ACACA: variants seen among roughly 807,000 people sequenced by gnomAD.
ACACA encodes acetyl-CoA carboxylase 1.
ACACA carries 103 observed loss-of-function variants against 296.1 expected under a neutral mutation model. The ratio of observed to expected loss-of-function variants is 0.35; its 90% CI spans 0.30 to 0.41. The LOEUF is 0.41. Among genes scored for constraint, ACACA ranks in the 10% least tolerant of loss-of-function variants. The probability of loss-of-function intolerance (pLI) is 1.00; values close to 1 mark genes in which losing one functional copy is unlikely to be tolerated. For missense variants in ACACA, 1,554 were observed against 2,989.7 expected, an observed-to-expected ratio of 0.52 and a Z score of 11.20; for synonymous variants, 953 against 1,038.6, an observed-to-expected ratio of 0.92 and a Z score of 1.58.
chr17:37,135,317 T>C (rs1035945722), intron 45 of ACACA, among the ~76,000 whole-genome samples: 1 of 152,208 alleles, frequency 6.6e-6, no homozygotes, highest in South Asian at 2.1e-4. Flanking sequence ...AGCGTTATAA[T>C]TTTTTCCCCA....
intron 41 of ACACA, among the ~76,000 whole-genome samples, chr17:37,173,989 TATATATATATATATATATATATATA>T (rs2076984791): frequency 1.2e-4 from 1 of 8,314 alleles, no homozygotes; most frequent in African/African-American, 7.8e-4. Flanking sequence ...AATTTATATA[TATATATATATATATATATATATATA>T]TATATATTTT....
chr17:37,092,949 T>C (rs989454856), intron 54 of ACACA, among the ~76,000 whole-genome samples: 3 of 152,088 alleles, frequency 2.0e-5, no homozygotes, highest in African/African-American at 7.2e-5. Context: ...GGCTTTAGAG[T>C]ACAATAGCCA....
rs2079549559 is a variant in ACACA, at chr17:37,226,467, A to AAAAAAGAACATAGATAGCCATATT, written c.3247-16_3247-15insAATATGGCTATCTATGTTCTTTTT. On this transcript the variant is annotated splice_polypyrimidine_tract_variant and intron_variant, in intron 25 of 55. Transcript: ENST00000616317. ...CACAACTGATCCTAATTGTTAATGT[A>AAAAAAGAACATAGATAGCCATATT]AAAAAGAACATAGATAGTCATATTA... 2 of 1,585,072 alleles carry AAAAAAGAACATAGATAGCCATATT rather than the reference A, an allele frequency of 1.3e-6. No individual in the cohort carries two copies. Among genetic ancestry groups the AAAAAAGAACATAGATAGCCATATT allele is most frequent in the Non-Finnish European group, 1.7e-6 (2 of 1,153,650 alleles).
chr17:37,087,387 G>C lies in ACACA; in HGVS notation c.7081C>G (p.Gln2361Glu), dbSNP rs758710765. ...VAMDSIIHMT[Q>E]HISPTQRAEV... ...GCTCGCTGAGTGGGTGATATGTGCT[G>C]CGTCATATGGATGATGGAATCCATG... Residue 2361 changes from glutamine (Q) to glutamate (E), a missense_variant, in exon 56 of 56, where the codon CAG becomes GAG. Physicochemically the swap from Gln to Glu is conservative, Grantham distance 29. Transcript: ENST00000616317. 5 of 1,613,948 alleles carry C rather than the reference G, an allele frequency of 3.1e-6. No individual in the cohort carries two copies. The African/African-American group carries it at 5.3e-5, about 17-fold the overall frequency.
At chr17:37,154,261 C>G (rs1040631425) in intron 43 of ACACA, among the ~76,000 whole-genome samples, 1 of 152,070 alleles carries the variant, frequency 6.6e-6, no homozygotes, top group South Asian at 2.1e-4. Context: ...GACCTATGAT[C>G]ACACCACTGC....
At chr17:37,136,647 A>G (rs2075345081) in intron 45 of ACACA, among the ~76,000 whole-genome samples, 1 of 152,144 alleles carries the variant, frequency 6.6e-6, no homozygotes, top group Non-Finnish European at 1.5e-5. Context: ...CAAACATTAA[A>G]AAAAAACCAT....
At chr17:37,098,341 C>T (rs570990279) in intron 52 of ACACA, among the ~76,000 whole-genome samples, 25 of 152,326 alleles carry the variant, frequency 1.6e-4, no homozygotes, top group Admixed American at 1.4e-3. Context: ...GAGGCCAGTA[C>T]TTGTACACTG....
chr17:37,196,005 C>A (rs542447901), intron 35 of ACACA, among the ~76,000 whole-genome samples: 6 of 152,160 alleles, frequency 3.9e-5, no homozygotes, highest in Admixed American at 2.0e-4. Context: ...AATCAGCCAA[C>A]CATCATCAAG....
At chr17:37,249,176 C>T (rs921724956) in intron 16 of ACACA, among the ~76,000 whole-genome samples, 16 of 152,308 alleles carry the variant, frequency 1.1e-4, no homozygotes, top group African/African-American at 3.6e-4. Context: ...TATGTTTTAG[C>T]ATGTGTCAGA....
chr17:37,358,498 A>G (rs2049247375), intron 1 of ACACA, among the ~76,000 whole-genome samples: 1 of 152,256 alleles, frequency 6.6e-6, no homozygotes, highest in Admixed American at 6.5e-5. Context: ...ATACAAAGGC[A>G]CGGAGAGAGC....
At chr17:37,268,904 A>G (rs1022921084) in intron 10 of ACACA, among the ~76,000 whole-genome samples, 3 of 151,026 alleles carry the variant, frequency 2.0e-5, no homozygotes, top group African/African-American at 7.3e-5. Context: ...TCCATAAGTA[A>G]TGAGTAGTTT....
At chr17:37,221,201 T>C (rs915595537) in intron 29 of ACACA, among the ~76,000 whole-genome samples, 1 of 152,200 alleles carries the variant, frequency 6.6e-6, no homozygotes, top group Admixed American at 6.5e-5. Flanking sequence ...AGTAATTTAT[T>C]TGAGATTAAG....
At chr17:37,376,747 G>A (rs2050020135) in intron 1 of ACACA, among the ~76,000 whole-genome samples, 1 of 152,158 alleles carries the variant, frequency 6.6e-6, no homozygotes, top group Admixed American at 6.6e-5. Flanking sequence ...CTGAGGTCAG[G>A]AGTTCGAGAC....
At chr17:37,321,582 T>C (rs970645882) in intron 3 of ACACA, among the ~76,000 whole-genome samples, 3 of 152,000 alleles carry the variant, frequency 2.0e-5, no homozygotes, top group Admixed American at 6.6e-5. Flanking sequence ...ACCCCGTCTC[T>C]ACTAAAAATA....
At chr17:37,223,031 A>G (rs1360008102) in intron 28 of ACACA, among the ~76,000 whole-genome samples, 1 of 152,244 alleles carries the variant, frequency 6.6e-6, no homozygotes, top group African/African-American at 2.4e-5. Context: ...TAAATGAGAA[A>G]GATAAAATAC....
intron 25 of ACACA, among the ~76,000 whole-genome samples, chr17:37,233,306 A>C (rs1290561142): frequency 1.5e-4 from 23 of 152,226 alleles, no homozygotes; most frequent in Non-Finnish European, 3.2e-4. Context: ...CAGAATTCTC[A>C]GAGGAAATAT....
intron 1 of ACACA, chr17:37,389,096 T>TA: frequency 8.8e-7 from 1 of 1,132,608 alleles, no homozygotes; most frequent in Non-Finnish European, 1.2e-6. Context: ...CTGCTGTACT[T>TA]AGACATTTTC....
chr17:37,193,674 A>T, intron 35 of ACACA, among the ~76,000 whole-genome samples: 1 of 152,246 alleles, frequency 6.6e-6, no homozygotes, highest in East Asian at 1.9e-4. Flanking sequence ...AAATGTATGA[A>T]TTTTTTAAAT....
intron 11 of ACACA, among the ~76,000 whole-genome samples, chr17:37,260,687 T>TA (rs2081475177): frequency 6.6e-6 from 1 of 152,040 alleles, no homozygotes; most frequent in African/African-American, 2.4e-5. Context: ...GTCATGATAG[T>TA]ATAAGCCAAC....
Sources: allele counts gnomAD v4.1 joint callset (sites outside exome capture counted in the v4.1 genomes callset), GRCh38; gene constraint gnomAD v4.1.1; transcripts MANE v1.5; gene names NCBI Gene and HGNC (gene_info 2026-07-23, HGNC 2026-07-21).